The following THEMIS variants were observed in gnomAD, a reference collection of about 807,000 sequenced individuals.
THEMIS encodes the protein thymocyte selection associated.
Under a neutral mutation model 52.6 loss-of-function variants are expected in THEMIS, and 37 were observed. The observed-to-expected ratio is 0.70, with a 90% confidence interval of 0.54 to 0.93. The LOEUF (loss-of-function observed/expected upper bound fraction) is 0.93, where lower values mean the gene tolerates loss of function less well. Ranked by LOEUF, THEMIS falls within the 40% of genes least tolerant of loss-of-function variation. The pLI is 0.00. For synonymous variants in THEMIS, 292 were observed against 272.7 expected, an observed-to-expected ratio of 1.07 and a Z score of -0.70; for missense variants, 808 against 763.1, an observed-to-expected ratio of 1.06 and a Z score of -0.69.
At chr6:127,902,532 GA>G (rs1284046513), upstream of THEMIS, among the ~76,000 whole-genome samples, 1 of 151,906 alleles carries the variant, frequency 6.6e-6, no homozygotes, top group African/African-American at 2.4e-5. Flanking sequence ...GACCTAGAAA[GA>G]TAAAAACTGC....
upstream of THEMIS, among the ~76,000 whole-genome samples, chr6:127,901,658 T>A (rs955855291): frequency 1.3e-5 from 2 of 152,110 alleles, no homozygotes; most frequent in African/African-American, 4.8e-5. Flanking sequence ...ATCTCTACAC[T>A]ATAGTAGAAA....
intron 4 of THEMIS, among the ~76,000 whole-genome samples, chr6:127,744,786 T>G (rs187703396): frequency 1.3e-5 from 2 of 152,012 alleles, no homozygotes; most frequent in Non-Finnish European, 1.5e-5. Context: ...GATACAATCC[T>G]GTGCATTTAC....
At chr6:127,886,682 T>G (rs1780656459) in intron 1 of THEMIS, among the ~76,000 whole-genome samples, 1 of 152,088 alleles carries the variant, frequency 6.6e-6, no homozygotes, top group South Asian at 2.1e-4. Flanking sequence ...ATAGATGAAC[T>G]TCTCTGGTTG....
Position 127,733,587 on chromosome 6 carries a change from C to G in THEMIS, c.1759-13764G>C, listed in dbSNP as rs190901579. On this transcript the variant is annotated intron_variant, in intron 4 of 5. Coordinates refer to ENST00000368248, the MANE Select transcript of THEMIS (RefSeq NM_001010923.3). ...CAACTGCCCATTAACTTTGAGTTAACAATGATTATAAACAGGTACCAGCTT... is the reference window on the plus strand; with the variant it reads ...CAACTGCCCATTAACTTTGAGTTAAGAATGATTATAAACAGGTACCAGCTT... Among the ~76,000 whole-genome samples, 3 of 152,244 alleles carry G rather than the reference C, an allele frequency of 2.0e-5. No individual in the cohort carries two copies. In the East Asian group the frequency reaches 5.8e-4, roughly 29 times the overall value.
intron 4 of THEMIS, among the ~76,000 whole-genome samples, chr6:127,724,550 G>A (rs1182093517): frequency 1.3e-5 from 2 of 152,050 alleles, no homozygotes; most frequent in East Asian, 3.9e-4. Context: ...AATTTGAACT[G>A]CCATGCATCA....
At chr6:127,759,759 C>T (rs1562239868) in intron 4 of THEMIS, among the ~76,000 whole-genome samples, 1 of 151,374 alleles carries the variant, frequency 6.6e-6, no homozygotes, top group East Asian at 1.9e-4. Flanking sequence ...TTTTCCTTTT[C>T]TTCTTTCTTC....
At chr6:127,915,763 G>A (rs914928189) in intron 1 of THEMIS, among the ~76,000 whole-genome samples, 1 of 151,982 alleles carries the variant, frequency 6.6e-6, no homozygotes, top group Admixed American at 6.6e-5. Context: ...AAGGTGGGTG[G>A]ATCACCAGAG....
chr6:127,817,206 A>G (rs1778165566), intron 3 of THEMIS, among the ~76,000 whole-genome samples: 1 of 152,278 alleles, frequency 6.6e-6, no homozygotes, highest in Middle Eastern at 3.4e-3. Context: ...GAATGTCTAG[A>G]GTGGCACCTG....
At chr6:127,801,129 C>T (rs1777517844) in intron 4 of THEMIS, among the ~76,000 whole-genome samples, 2 of 152,188 alleles carry the variant, frequency 1.3e-5, no homozygotes, top group South Asian at 4.1e-4. Flanking sequence ...ATTTGACATT[C>T]CTGATACATG....
chr6:127,816,082 A>G (rs1184800636), intron 3 of THEMIS, among the ~76,000 whole-genome samples: 1 of 152,106 alleles, frequency 6.6e-6, no homozygotes, highest in Non-Finnish European at 1.5e-5. Context: ...ATGCTAGCCT[A>G]TCTTATTTTA....
intron 4 of THEMIS, among the ~76,000 whole-genome samples, chr6:127,749,654 C>A (rs188631827): frequency 2.2e-3 from 328 of 151,466 alleles, no homozygotes; most frequent in Non-Finnish European, 3.3e-3. Context: ...TGGTGAAGAC[C>A]CCAATTAAAT....
At chr6:127,804,863 T>C (rs1777648966) in intron 4 of THEMIS, among the ~76,000 whole-genome samples, 1 of 152,154 alleles carries the variant, frequency 6.6e-6, no homozygotes, top group Non-Finnish European at 1.5e-5. Context: ...CAAACTTTTA[T>C]TAAGGACAAA....
chr6:127,716,868 C>T (rs1029356718), intron 5 of THEMIS, among the ~76,000 whole-genome samples: 1 of 151,854 alleles, frequency 6.6e-6, no homozygotes, highest in African/African-American at 2.4e-5. Flanking sequence ...CATGTCTCTA[C>T]ACAATTGGAG....
intron 4 of THEMIS, among the ~76,000 whole-genome samples, chr6:127,800,341 C>T (rs1455721114): frequency 6.6e-6 from 1 of 152,084 alleles, no homozygotes; most frequent in East Asian, 1.9e-4. Flanking sequence ...TCATGGGCTA[C>T]CCACTCTAGC....
intron 4 of THEMIS, among the ~76,000 whole-genome samples, chr6:127,762,579 A>C (rs1172010630): frequency 6.6e-6 from 1 of 152,088 alleles, no homozygotes; most frequent in Non-Finnish European, 1.5e-5. Context: ...TATTACTTCA[A>C]GGTCTTTGCA....
At chr6:127,811,334 G>C (rs994656869) in intron 4 of THEMIS, among the ~76,000 whole-genome samples, 1 of 152,222 alleles carries the variant, frequency 6.6e-6, no homozygotes, top group Admixed American at 6.5e-5. Flanking sequence ...CTCTGGGAAA[G>C]AATCTGATTC....
intron 2 of THEMIS, among the ~76,000 whole-genome samples, chr6:127,846,568 A>C (rs147882086): frequency 6.6e-6 from 1 of 152,066 alleles, no homozygotes; most frequent in Non-Finnish European, 1.5e-5. Context: ...GAAGCATACA[A>C]TCCTCCTAGA....
chr6:127,827,763 T>G (rs1274874103), intron 3 of THEMIS, among the ~76,000 whole-genome samples: 2 of 152,150 alleles, frequency 1.3e-5, no homozygotes, highest in Admixed American at 6.5e-5. Flanking sequence ...CCCATTGATG[T>G]CTCTACTGTA....
chr6:127,768,997 T>C (rs188802915), intron 4 of THEMIS, among the ~76,000 whole-genome samples: 1 of 152,304 alleles, frequency 6.6e-6, no homozygotes, highest in East Asian at 1.9e-4. Context: ...TTGCAGTGTT[T>C]CAAACACATC....
Sources: gnomAD v4.1 joint callset for allele counts (sites outside exome capture counted in the v4.1 genomes callset) on GRCh38, gnomAD v4.1.1 for gene constraint, MANE v1.5 for transcripts, NCBI Gene and HGNC (gene_info 2026-07-23, HGNC 2026-07-21) for gene names.